HPCAL1: variants seen among roughly 807,000 people sequenced by gnomAD.
HPCAL1 encodes hippocalcin-like protein 1.
A neutral mutation model predicts 17.1 loss-of-function variants in HPCAL1; 8 were observed. The ratio of observed to expected loss-of-function variants is 0.47; its 90% CI spans 0.27 to 0.84. The LOEUF is 0.84. Among genes scored for constraint, HPCAL1 ranks in the 40% least tolerant of loss-of-function variants. HPCAL1 has a pLI of 0.13. For synonymous variants in HPCAL1, 112 were observed against 111.4 expected (o/e 1.01, Z -0.03); for missense variants, 165 against 271.1 (o/e 0.61, Z 2.75).
At chr2:10,416,060 C>T (rs375458871) in intron 2 of HPCAL1, among the ~76,000 whole-genome samples, 9 of 152,216 alleles carry the variant, frequency 5.9e-5, no homozygotes, top group East Asian at 3.8e-4. Context: ...TCAGGTGCCA[C>T]GCAAGGCTGG....
chr2:10,414,220 GCC>G lies in HPCAL1; in HGVS notation c.-24-5511_-24-5510del, dbSNP rs1670516775. ...GTGTAACGTACCTGGCATCACTCCT[GCC>G]CCAGAGACACCGATAACACATGTTT... On this transcript the variant is annotated intron_variant, in intron 2 of 4. Coordinates refer to ENST00000307845, the MANE Select transcript of HPCAL1 (RefSeq NM_002149.4). 3.3e-5 allele frequency among the ~76,000 whole-genome samples: 5 copies of G among 152,354 alleles called. No homozygotes were observed. In the South Asian group the frequency reaches 1.0e-3, roughly 32 times the overall value.
intron 2 of HPCAL1, among the ~76,000 whole-genome samples, chr2:10,397,155 G>A (rs867170104): frequency 6.6e-6 from 1 of 152,122 alleles, no homozygotes; most frequent in South Asian, 2.1e-4. Flanking sequence ...AGCCATCTCA[G>A]CTCTCGCCCT....
chr2:10,339,795 T>C (rs13402238), intron 1 of HPCAL1, among the ~76,000 whole-genome samples: 21,993 of 152,278 alleles, frequency 0.14, 1,738 homozygotes, highest in South Asian at 0.23. Context: ...GCCATGTTCA[T>C]GCCCGGCAGG....
rs1666585487 is a variant in HPCAL1, at chr2:10,362,537, GGT to G, written c.-110-34296_-110-34295del. On this transcript the variant is annotated intron_variant, in intron 1 of 4. Transcript: ENST00000307845. This position sits in a 1 kb window ranked among gnomAD's most constrained non-coding sequence, Gnocchi z 5.0. ...TGCTTCTTTCCTTCAGGAAAGGAAA[GGT>G]GAGCTGGGCGATGGGGAAGGCCTCC... is the stretch of plus-strand genomic sequence containing the variant. 6.6e-6 allele frequency among the ~76,000 whole-genome samples: 1 copy of G among 152,218 alleles called. No individual in the cohort carries two copies. The highest frequency in any genetic ancestry group is 2.4e-5 in the African/African-American group (1 of 41,458).
chr2:10,349,239 A>G (rs1253995284), intron 1 of HPCAL1, among the ~76,000 whole-genome samples: 1 of 152,192 alleles, frequency 6.6e-6, no homozygotes, highest in Non-Finnish European at 1.5e-5. Flanking sequence ...CATACTTATT[A>G]GAACGTCTCA....
chr2:10,353,729 C>T (rs916556623), intron 1 of HPCAL1, among the ~76,000 whole-genome samples: 15 of 152,124 alleles, frequency 9.9e-5, no homozygotes, highest in Non-Finnish European at 1.3e-4. Context: ...CCGCTATGCC[C>T]GGCTAATTTT....
At chr2:10,327,007 G>C (rs1003861172) in intron 1 of HPCAL1, among the ~76,000 whole-genome samples, 6 of 152,182 alleles carry the variant, frequency 3.9e-5, no homozygotes, top group Non-Finnish European at 8.8e-5. Flanking sequence ...CACCCAACCA[G>C]AGTGAACTCC....
chr2:10,392,429 A>G (rs1458565364), intron 1 of HPCAL1, among the ~76,000 whole-genome samples: 4 of 152,194 alleles, frequency 2.6e-5, no homozygotes, highest in African/African-American at 7.2e-5. Context: ...TTTGATTACT[A>G]ATTCAATCTC....
intron 1 of HPCAL1, among the ~76,000 whole-genome samples, chr2:10,364,586 CTTTT>C (rs747134630): frequency 7.0e-6 from 1 of 143,748 alleles, no homozygotes. Context: ...CTCCCGCCTC[CTTTT>C]TTTTTTTTTT....
intron 3 of HPCAL1, among the ~76,000 whole-genome samples, chr2:10,421,271 C>T (rs1286114151): frequency 6.6e-6 from 1 of 152,212 alleles, no homozygotes; most frequent in Non-Finnish European, 1.5e-5. Context: ...TCATGCCTAT[C>T]AACAGCTCTA....
At chr2:10,416,100 C>T in intron 2 of HPCAL1, among the ~76,000 whole-genome samples, 1 of 152,256 alleles carries the variant, frequency 6.6e-6, no homozygotes, top group East Asian at 1.9e-4. Context: ...CCCTCAAACT[C>T]AGTGGTCAGG....
rs1022834048 is a variant in HPCAL1 at position 10,362,885 on chromosome 2, G to T, written c.-110-33950G>T. Among the ~76,000 whole-genome samples the T allele has an allele frequency of 6.6e-6, 1 of 152,182 alleles. No individual in the cohort carries two copies. Among genetic ancestry groups the T allele is most frequent in the Admixed American group, 6.5e-5 (1 of 15,284 alleles). ...GTTTGGACCATTCCTGAGCAGAGGG[G>T]GACCTCAGAGGACAGTCGGACTGGG... is the stretch of plus-strand genomic sequence containing the variant. On this transcript the variant is annotated intron_variant, in intron 1 of 4. Transcript: ENST00000307845. The surrounding 1 kb of genome is among the most constrained non-coding windows in gnomAD (Gnocchi z 5.0).
At chr2:10,402,762 G>A (rs1318085535) in intron 2 of HPCAL1, among the ~76,000 whole-genome samples, 1 of 152,126 alleles carries the variant, frequency 6.6e-6, no homozygotes, top group Non-Finnish European at 1.5e-5. Context: ...AGTTTTTGAC[G>A]GGTGTGCTGG....
intron 1 of HPCAL1, among the ~76,000 whole-genome samples, chr2:10,375,658 G>A (rs944892835): frequency 6.6e-6 from 1 of 152,224 alleles, no homozygotes; most frequent in African/African-American, 2.4e-5. Flanking sequence ...GGGACAGGGT[G>A]CTTACCTTCC....
chr2:10,369,806 T>C (rs751123847), intron 1 of HPCAL1, among the ~76,000 whole-genome samples: 5 of 152,186 alleles, frequency 3.3e-5, no homozygotes, highest in Non-Finnish European at 5.9e-5. Context: ...AAGCTGAAAT[T>C]GAGCTCAAAG....
intron 1 of HPCAL1, among the ~76,000 whole-genome samples, chr2:10,370,138 G>A (rs566944128): frequency 5.9e-5 from 9 of 152,296 alleles, no homozygotes; most frequent in African/African-American, 1.7e-4. Flanking sequence ...GCTAATCTGC[G>A]CACCCTCTTT....
Position 10,342,159 on chromosome 2 carries a change from C to A in HPCAL1, c.-111+38982C>A, listed in dbSNP as rs562362857. ...TGCTCCAGCCTGGTGACAGAGTGGA[C>A]CTTGTCTGTAAAAATAATAATAATA... On this transcript the variant is annotated intron_variant, in intron 1 of 4. Coordinates refer to ENST00000307845, the MANE Select transcript of HPCAL1 (RefSeq NM_002149.4). This position sits in a 1 kb window ranked among gnomAD's most constrained non-coding sequence, Gnocchi z 4.1. Among the ~76,000 whole-genome samples, 68 of 152,068 alleles carry A rather than the reference C, an allele frequency of 4.5e-4. No homozygotes were observed. The highest frequency in any genetic ancestry group is 1.6e-3 in the African/African-American group (67 of 41,470).
chr2:10,331,175 C>T lies in HPCAL1; in HGVS notation c.-111+27998C>T, dbSNP rs1664348338. On this transcript the variant is annotated intron_variant, in intron 1 of 4. Transcript: ENST00000307845. The surrounding 1 kb of genome is among the most constrained non-coding windows in gnomAD (Gnocchi z 5.0). The stretch of plus-strand genomic sequence containing the variant: ...TGCCAAGAGCCTGCAGAGGGCGGGG[C>T]GGGCTCTGGGGACAGCCTGGACTCT... Among the ~76,000 whole-genome samples, 1 of 152,150 alleles carries T rather than the reference C, an allele frequency of 6.6e-6. No homozygotes were observed. Among genetic ancestry groups the T allele is most frequent in the South Asian group, 2.1e-4 (1 of 4,824 alleles).
chr2:10,328,372 G>T (rs1446474937), intron 1 of HPCAL1, among the ~76,000 whole-genome samples: 2 of 152,248 alleles, frequency 1.3e-5, no homozygotes, highest in African/African-American at 4.8e-5. Context: ...AATATCATGC[G>T]TCAGCCTGAC....
Sources: allele counts gnomAD v4.1 joint callset (sites outside exome capture counted in the v4.1 genomes callset), GRCh38; gene constraint gnomAD v4.1.1; non-coding constraint Gnocchi (gnomAD v3.1); transcripts MANE v1.5; gene names NCBI Gene and HGNC (gene_info 2026-07-23, HGNC 2026-07-21).